GTF2F2: variants seen among roughly 807,000 people sequenced by gnomAD.
GTF2F2 encodes the protein general transcription factor IIF subunit 2, also known as ATP-dependent helicase GTF2F2.
Under a neutral mutation model 42.2 loss-of-function variants are expected in GTF2F2, and 23 were observed. The ratio of observed to expected loss-of-function variants is 0.55; its 90% CI spans 0.39 to 0.77. GTF2F2 has a LOEUF of 0.77. GTF2F2 is among the 30% of genes least tolerant of loss of function. GTF2F2 has a pLI of 0.00. For synonymous variants in GTF2F2, 105 were observed against 100.8 expected (o/e 1.04, Z -0.25); for missense variants, 261 against 287.2 (o/e 0.91, Z 0.66).
chr13:45,267,803 T>G (rs1407317081), intron 7 of GTF2F2, among the ~76,000 whole-genome samples: 1 of 150,196 alleles, frequency 6.7e-6, no homozygotes, highest in East Asian at 1.9e-4. Flanking sequence ...TGAATTGTTT[T>G]CTGTGGATTT....
chr13:45,217,027 G>T (rs1327526756), intron 5 of GTF2F2, among the ~76,000 whole-genome samples: 5 of 151,646 alleles, frequency 3.3e-5, no homozygotes. Context: ...TGGGCCGGGC[G>T]CAGTGGCTCA....
chr13:45,270,182 G>A (rs1240693622), intron 7 of GTF2F2, among the ~76,000 whole-genome samples: 1 of 152,024 alleles, frequency 6.6e-6, no homozygotes, highest in African/African-American at 2.4e-5. Flanking sequence ...TTTGCTTAGG[G>A]CCCGTCTTTT....
chr13:45,212,436 C>T (rs1402988967), intron 5 of GTF2F2, among the ~76,000 whole-genome samples: 1 of 122,358 alleles, frequency 8.2e-6, no homozygotes, highest in African/African-American at 3.1e-5. Flanking sequence ...TTCTTTCTTT[C>T]TTTCTTTCTT....
intron 5 of GTF2F2, among the ~76,000 whole-genome samples, chr13:45,246,127 G>A (rs1288163016): frequency 6.6e-6 from 1 of 150,672 alleles, no homozygotes; most frequent in African/African-American, 2.4e-5. Flanking sequence ...TCCTGCCTCA[G>A]CCTCCCGAGT....
At chr13:45,122,140 G>T (rs1465265175) in intron 1 of GTF2F2, among the ~76,000 whole-genome samples, 1 of 152,166 alleles carries the variant, frequency 6.6e-6, no homozygotes, top group Non-Finnish European at 1.5e-5. Context: ...GATCTGTGTA[G>T]ATGAAGATGG....
chr13:45,125,065 A>G, intron 1 of GTF2F2, among the ~76,000 whole-genome samples: 1 of 152,230 alleles, frequency 6.6e-6, no homozygotes, highest in East Asian at 1.9e-4. Context: ...TGAAACTGGA[A>G]TGGGTGATAC....
chr13:45,269,506 A>G (rs952533064), intron 7 of GTF2F2, among the ~76,000 whole-genome samples: 2 of 152,224 alleles, frequency 1.3e-5, no homozygotes, highest in African/African-American at 2.4e-5. Context: ...CTCTCCCCCA[A>G]GTAGGCAACT....
At chr13:45,228,687 T>TTTTTTTTTG (rs1874504585) in intron 5 of GTF2F2, among the ~76,000 whole-genome samples, 1 of 148,938 alleles carries the variant, frequency 6.7e-6, no homozygotes. Context: ...TTTTTTTTTT[T>TTTTTTTTTG]GAGACGGAGT....
intron 5 of GTF2F2, among the ~76,000 whole-genome samples, chr13:45,222,361 C>T (rs1268152439): frequency 6.6e-6 from 1 of 152,090 alleles, no homozygotes; most frequent in Non-Finnish European, 1.5e-5. Flanking sequence ...GGGAATTTAA[C>T]AAGGGCCCTT....
intron 5 of GTF2F2, among the ~76,000 whole-genome samples, chr13:45,211,696 T>C (rs1190151860): frequency 6.6e-6 from 1 of 151,790 alleles, no homozygotes; most frequent in Non-Finnish European, 1.5e-5. Flanking sequence ...CAAATGATGC[T>C]CCTGCCTCAG....
intron 4 of GTF2F2, among the ~76,000 whole-genome samples, chr13:45,185,575 A>G (rs1275164467): frequency 1.3e-5 from 2 of 152,220 alleles, no homozygotes; most frequent in Admixed American, 1.3e-4. Flanking sequence ...ATACCCAGTA[A>G]CAATGTATTA....
intron 5 of GTF2F2, among the ~76,000 whole-genome samples, chr13:45,227,156 A>G (rs1239068918): frequency 2.6e-5 from 4 of 152,184 alleles, no homozygotes; most frequent in Non-Finnish European, 5.9e-5. Context: ...GTATATTTGT[A>G]TTATTTCATT....
chr13:45,222,093 T>G (rs1481716278), intron 5 of GTF2F2, among the ~76,000 whole-genome samples: 1 of 152,174 alleles, frequency 6.6e-6, no homozygotes, highest in Non-Finnish European at 1.5e-5. Context: ...ATTACTCAGG[T>G]TTATTGTATT....
chr13:45,206,070 TA>T (rs1873400013), intron 4 of GTF2F2, among the ~76,000 whole-genome samples: 1 of 152,250 alleles, frequency 6.6e-6, no homozygotes, highest in Admixed American at 6.5e-5. Context: ...AACTTTATTA[TA>T]AAATAATAAC....
intron 5 of GTF2F2, among the ~76,000 whole-genome samples, chr13:45,231,094 A>T (rs1236003812): frequency 2.6e-5 from 4 of 151,156 alleles, no homozygotes; most frequent in African/African-American, 7.3e-5. Context: ...CTATTTATTT[A>T]TTTTTTTATT....
chr13:45,211,971 G>GCA (rs149511537), intron 5 of GTF2F2, among the ~76,000 whole-genome samples: 1 of 151,392 alleles, frequency 6.6e-6, no homozygotes, highest in African/African-American at 2.4e-5. Context: ...ACACACACAC[G>GCA]CACACACACA....
At chr13:45,171,638 TCATACCATACAA>T in intron 4 of GTF2F2, among the ~76,000 whole-genome samples, 2 of 152,218 alleles carry the variant, frequency 1.3e-5, no homozygotes, top group African/African-American at 4.8e-5. Context: ...ATGAAAATTC[TCATACCATACAA>T]TTCACCCATT....
At chr13:45,144,238 C>T (rs140780820) in intron 2 of GTF2F2, among the ~76,000 whole-genome samples, 1,817 of 151,880 alleles carry the variant, frequency 0.012, 31 homozygotes, top group African/African-American at 0.037. Flanking sequence ...GGTCAACAAG[C>T]GCAAAACTCA....
intron 5 of GTF2F2, among the ~76,000 whole-genome samples, chr13:45,239,973 A>G (rs1875195414): frequency 6.6e-6 from 1 of 152,180 alleles, no homozygotes. Context: ...GATTTGAATT[A>G]TATGAGAATA....
Sources: allele counts gnomAD v4.1 joint callset (sites outside exome capture counted in the v4.1 genomes callset), GRCh38; gene constraint gnomAD v4.1.1; transcripts MANE v1.5; gene names NCBI Gene and HGNC (gene_info 2026-07-23, HGNC 2026-07-21).